The following PLPP4 variants were observed in gnomAD, a reference collection of about 807,000 sequenced individuals.
PLPP4 encodes phospholipid phosphatase 4.
In PLPP4, 20 loss-of-function variants were observed where a neutral mutation model predicts 32.2. The ratio of observed to expected loss-of-function variants is 0.62; its 90% CI spans 0.44 to 0.90. The LOEUF (loss-of-function observed/expected upper bound fraction) is 0.90, where lower values mean the gene tolerates loss of function less well. Among genes scored for constraint, PLPP4 ranks in the 40% least tolerant of loss-of-function variants. The pLI is 0.00. For synonymous variants in PLPP4, 127 were observed against 133.0 expected, an observed-to-expected ratio of 0.95 and a Z score of 0.31; for missense variants, 257 against 353.1, an observed-to-expected ratio of 0.73 and a Z score of 2.18.
chr10:120,478,436 A>T (rs80230702), intron 1 of PLPP4, among the ~76,000 whole-genome samples: 2 of 152,274 alleles, frequency 1.3e-5, no homozygotes, highest in East Asian at 1.9e-4. Context: ...CTTTGCTGGA[A>T]TTTTTTCTTT....
At chr10:120,508,555 T>G (rs1845600520) in intron 2 of PLPP4, among the ~76,000 whole-genome samples, 1 of 152,226 alleles carries the variant, frequency 6.6e-6, no homozygotes, top group Non-Finnish European at 1.5e-5. Flanking sequence ...AACACACTGC[T>G]TCACATTTTG....
intron 2 of PLPP4, among the ~76,000 whole-genome samples, chr10:120,512,488 G>A (rs572451867): frequency 1.3e-5 from 2 of 152,250 alleles, no homozygotes; most frequent in African/African-American, 4.8e-5. Context: ...CATACAAATG[G>A]CCTCTGAAGA....
intron 1 of PLPP4, among the ~76,000 whole-genome samples, chr10:120,472,408 G>T (rs1337311459): frequency 6.6e-6 from 1 of 152,024 alleles, no homozygotes; most frequent in Non-Finnish European, 1.5e-5. Flanking sequence ...ATATGTCTTT[G>T]CATTATCTTG....
At chr10:120,526,657 T>C (rs1177314097) in intron 5 of PLPP4, among the ~76,000 whole-genome samples, 6 of 152,224 alleles carry the variant, frequency 3.9e-5, no homozygotes, top group Non-Finnish European at 4.4e-5. Context: ...CATCTGTTTT[T>C]CCAAAACCAG....
At chr10:120,522,549 C>A (rs372655558) in intron 5 of PLPP4, among the ~76,000 whole-genome samples, 1 of 152,156 alleles carries the variant, frequency 6.6e-6, no homozygotes, top group Admixed American at 6.5e-5. Flanking sequence ...TCAAATACAA[C>A]AAAACATTTA....
At chr10:120,531,895 C>T (rs75903616) in intron 5 of PLPP4, among the ~76,000 whole-genome samples, 1,567 of 140,448 alleles carry the variant, frequency 0.011, 31 homozygotes, top group African/African-American at 0.039. Context: ...CACACACACA[C>T]ATATATATAT....
upstream of PLPP4, chr10:120,456,960 T>TC (rs1437170095): frequency 6.5e-6 from 1 of 153,064 alleles, no homozygotes; most frequent in East Asian, 1.9e-4. The surrounding 1 kb of genome is among the most constrained non-coding windows in gnomAD (Gnocchi z 4.1). Flanking sequence ...TCCCCGGGCT[T>TC]CCCCTCCCCG....
chr10:120,534,239 G>A (rs1457986725), intron 5 of PLPP4, among the ~76,000 whole-genome samples: 1 of 151,734 alleles, frequency 6.6e-6, no homozygotes, highest in African/African-American at 2.4e-5. Flanking sequence ...TGTCTTGATT[G>A]ACTTTTTTTT....
chr10:120,463,516 A>G (rs561544909), intron 1 of PLPP4, among the ~76,000 whole-genome samples: 2 of 152,318 alleles, frequency 1.3e-5, no homozygotes, highest in African/African-American at 4.8e-5. Flanking sequence ...TTATTAGATA[A>G]GATTAGATAA....
At chr10:120,588,915 A>G (rs1849889043) in intron 6 of PLPP4, among the ~76,000 whole-genome samples, 1 of 152,130 alleles carries the variant, frequency 6.6e-6, no homozygotes, top group South Asian at 2.1e-4. Context: ...GAGTGGTGGC[A>G]TGTGCCTGTA....
intron 1 of PLPP4, among the ~76,000 whole-genome samples, chr10:120,495,308 A>G (rs898139623): frequency 1.3e-5 from 2 of 152,202 alleles, no homozygotes; most frequent in Non-Finnish European, 2.9e-5. Flanking sequence ...CAACTACTCC[A>G]ATTCAGAGTA....
chr10:120,502,208 G>A (rs549082581), intron 1 of PLPP4, among the ~76,000 whole-genome samples: 3 of 152,330 alleles, frequency 2.0e-5, no homozygotes, highest in South Asian at 2.1e-4. Context: ...AGCTACAAGC[G>A]ATGCCTGTGT....
At position 120,501,296 on chromosome 10, in the gene PLPP4, T is replaced by TATTTCATTTCATTTC. The variant is rs141455402; in HGVS notation, c.57-2519_57-2505dup. On this transcript the variant is annotated intron_variant, in intron 1 of 6. Coordinates refer to ENST00000398250, the MANE Select transcript of PLPP4 (RefSeq NM_001030059.3). ...TTAAAAACATCCTTCAAGCAAAATT[T>TATTTCATTTCATTTC]ATTTCATTTCATTTCATGTCTTAAA... 5.5e-4 allele frequency among the ~76,000 whole-genome samples: 83 copies of TATTTCATTTCATTTC among 151,610 alleles called. 2 individuals carry two copies. In the East Asian group the frequency reaches 9.1e-3, roughly 17 times the overall value.
intron 6 of PLPP4, among the ~76,000 whole-genome samples, chr10:120,588,703 T>C (rs1849876954): frequency 6.6e-6 from 1 of 152,166 alleles, no homozygotes; most frequent in African/African-American, 2.4e-5. Flanking sequence ...ATTTCAAAAA[T>C]CAGAAATACA....
chr10:120,565,241 C>T (rs563955415), intron 5 of PLPP4, among the ~76,000 whole-genome samples: 2 of 151,938 alleles, frequency 1.3e-5, no homozygotes, highest in East Asian at 1.9e-4. Flanking sequence ...CTTTGCTTAG[C>T]ATTCCCTCGT....
chr10:120,571,030 G>A (rs1413260481), intron 5 of PLPP4, among the ~76,000 whole-genome samples: 4 of 150,092 alleles, frequency 2.7e-5, no homozygotes, highest in African/African-American at 4.9e-5. Context: ...CTTTGAAAGC[G>A]AGGGACATAT....
intron 5 of PLPP4, among the ~76,000 whole-genome samples, chr10:120,537,430 A>G (rs2133951418): frequency 6.6e-6 from 1 of 152,370 alleles, no homozygotes; most frequent in East Asian, 1.9e-4. Context: ...AAGCGAAATA[A>G]GCCAGACACA....
At chr10:120,508,343 T>C (rs1238810143) in intron 2 of PLPP4, among the ~76,000 whole-genome samples, 1 of 152,164 alleles carries the variant, frequency 6.6e-6, no homozygotes, top group Non-Finnish European at 1.5e-5. Context: ...CTTAAAGTTG[T>C]CTTTATAATC....
chr10:120,471,744 A>G (rs1194738161), intron 1 of PLPP4, among the ~76,000 whole-genome samples: 1 of 152,064 alleles, frequency 6.6e-6, no homozygotes, highest in African/African-American at 2.4e-5. Flanking sequence ...AGTTAATACA[A>G]TTATTAATAT....
Sources: allele counts gnomAD v4.1 joint callset (sites outside exome capture counted in the v4.1 genomes callset), GRCh38; gene constraint gnomAD v4.1.1; non-coding constraint Gnocchi (gnomAD v3.1); transcripts MANE v1.5; gene names NCBI Gene and HGNC (gene_info 2026-07-23, HGNC 2026-07-21).